The following DLG2 variants were observed in gnomAD, a reference collection of about 807,000 sequenced individuals.
DLG2 encodes discs large MAGUK scaffold protein 2.
DLG2 carries 45 observed loss-of-function variants against 132.5 expected under a neutral mutation model. The ratio of observed to expected loss-of-function variants is 0.34; its 90% confidence interval spans 0.27 to 0.44. The LOEUF is 0.44. DLG2 is among the 20% of genes least tolerant of loss of function. The pLI, the probability that DLG2 is intolerant of heterozygous loss-of-function variation, is 1.00. For missense variants in DLG2, 1,045 were observed against 1,196.9 expected, an observed-to-expected ratio of 0.87 and a Z score of 1.87; for synonymous variants, 424 against 419.6, an observed-to-expected ratio of 1.01 and a Z score of -0.13.
chr11:85,352,167 T>C (rs1290053083), intron 3 of DLG2, among the ~76,000 whole-genome samples: 2 of 152,244 alleles, frequency 1.3e-5, no homozygotes, highest in Non-Finnish European at 2.9e-5. Context: ...AATTTATCCA[T>C]TTCTTCTAGA....
At chr11:84,001,847 G>T (rs2094361996) in intron 11 of DLG2, among the ~76,000 whole-genome samples, 2 of 152,000 alleles carry the variant, frequency 1.3e-5, no homozygotes, top group Admixed American at 1.3e-4. Flanking sequence ...AATAATCATT[G>T]GGTCAACATA....
intron 6 of DLG2, among the ~76,000 whole-genome samples, chr11:84,754,429 T>C (rs1268144623): frequency 6.6e-6 from 1 of 152,288 alleles, no homozygotes; most frequent in East Asian, 1.9e-4. Flanking sequence ...CTGGAAATGT[T>C]TGAGTAAATG....
chr11:84,296,447 C>T (rs528302773), intron 7 of DLG2, among the ~76,000 whole-genome samples: 89 of 152,100 alleles, frequency 5.9e-4, no homozygotes, highest in African/African-American at 2.0e-3. Context: ...TGATTTTTTT[C>T]TCTCTTTGAG....
intron 7 of DLG2, among the ~76,000 whole-genome samples, chr11:84,406,461 G>A (rs1222881316): frequency 6.6e-6 from 1 of 152,270 alleles, no homozygotes; most frequent in Non-Finnish European, 1.5e-5. Flanking sequence ...TGCAAGTACA[G>A]GTGTACACCA....
intron 6 of DLG2, among the ~76,000 whole-genome samples, chr11:84,642,130 G>A (rs1199127557): frequency 3.5e-5 from 5 of 143,002 alleles, no homozygotes; most frequent in Non-Finnish European, 6.0e-5. Flanking sequence ...GTGTGTGTGT[G>A]TGTGTGTGTG....
chr11:83,474,063 G>A (rs2092373579), intron 22 of DLG2, among the ~76,000 whole-genome samples: 1 of 151,956 alleles, frequency 6.6e-6, no homozygotes, highest in Non-Finnish European at 1.5e-5. Context: ...GGCTCAGAAT[G>A]GCGCCACCAT....
chr11:83,972,830 G>A (rs1201098320), intron 12 of DLG2, among the ~76,000 whole-genome samples: 1 of 152,106 alleles, frequency 6.6e-6, no homozygotes, highest in Non-Finnish European at 1.5e-5. Flanking sequence ...GCCAGGCACA[G>A]GATATAAGGA....
chr11:84,066,303 A>G (rs1262789511), intron 10 of DLG2, among the ~76,000 whole-genome samples: 1 of 152,120 alleles, frequency 6.6e-6, no homozygotes, highest in South Asian at 2.1e-4. Flanking sequence ...GTACAATGTA[A>G]TTTCCTTTTC....
At chr11:84,914,728 T>C (rs1282457330) in intron 6 of DLG2, among the ~76,000 whole-genome samples, 1 of 152,196 alleles carries the variant, frequency 6.6e-6, no homozygotes, top group Non-Finnish European at 1.5e-5. Context: ...TGCCTGAGCC[T>C]AGCATTTATT....
At chr11:85,480,734 A>T (rs773306804) in intron 3 of DLG2, among the ~76,000 whole-genome samples, 2 of 152,232 alleles carry the variant, frequency 1.3e-5, no homozygotes, top group Non-Finnish European at 2.9e-5. Flanking sequence ...ATTAAAAAAC[A>T]AGTGAACTGT....
intron 19 of DLG2, among the ~76,000 whole-genome samples, chr11:83,603,465 T>C (rs2058873601): frequency 6.6e-6 from 1 of 152,224 alleles, no homozygotes; most frequent in African/African-American, 2.4e-5. Flanking sequence ...TCAGTATATA[T>C]ATTGTTATAC....
intron 4 of DLG2, among the ~76,000 whole-genome samples, chr11:85,271,215 A>G (rs2077507774): frequency 6.6e-6 from 1 of 152,166 alleles, no homozygotes. Context: ...ATGGCTTCAG[A>G]GAGTGGAAGC....
rs565062954 is a variant in DLG2, at chr11:84,251,822, G to GTA, written c.520-533_520-532dup. On this transcript the variant is annotated intron_variant, in intron 7 of 27. Coordinates refer to ENST00000376104, the MANE Select transcript of DLG2 (RefSeq NM_001142699.3). ...CACCCAGCTAACTGCTGTATTTTTA[G>GTA]TAGAGACGGGGTTTCCCACATTGGC... Among the ~76,000 whole-genome samples the GTA allele has an allele frequency of 1.0e-3, 157 of 151,862 alleles. 2 individuals are homozygous for GTA. Among genetic ancestry groups the GTA allele is most frequent in the Admixed American group, 8.2e-3 (125 of 15,234 alleles).
chr11:84,231,211 G>A (rs539389307), intron 8 of DLG2, among the ~76,000 whole-genome samples: 4 of 152,140 alleles, frequency 2.6e-5, no homozygotes, highest in Non-Finnish European at 5.9e-5. Context: ...GCAGCTATTT[G>A]AACCATTAGG....
intron 7 of DLG2, among the ~76,000 whole-genome samples, chr11:84,322,709 C>T (rs1424918232): frequency 6.6e-6 from 1 of 152,052 alleles, no homozygotes; most frequent in African/African-American, 2.4e-5. Context: ...CTTGCCTCAG[C>T]ATCCCGAGTA....
At chr11:83,632,093 G>C (rs183891727) in intron 19 of DLG2, 53 of 152,248 alleles carry the variant, frequency 3.5e-4, no homozygotes, top group African/African-American at 1.2e-3. Context: ...GGCTTCCCTG[G>C]AATAAGAAGG....
intron 16 of DLG2, among the ~76,000 whole-genome samples, chr11:83,866,662 TA>T (rs1315223586): frequency 2.0e-5 from 3 of 152,190 alleles, no homozygotes; most frequent in Non-Finnish European, 4.4e-5. Context: ...ACCCATTTAT[TA>T]AAACTTTAAA....
chr11:85,179,607 A>G (rs2079554917), intron 4 of DLG2, among the ~76,000 whole-genome samples: 1 of 151,866 alleles, frequency 6.6e-6, no homozygotes, highest in African/African-American at 2.4e-5. Context: ...CAGCAGAGGA[A>G]AAAATAAGAA....
At chr11:84,378,548 A>T (rs973668396) in intron 7 of DLG2, among the ~76,000 whole-genome samples, 2 of 152,110 alleles carry the variant, frequency 1.3e-5, no homozygotes, top group African/African-American at 2.4e-5. Context: ...ATGGGGGGAA[A>T]AATCTCGCCT....
Sources: allele counts gnomAD v4.1 joint callset (sites outside exome capture counted in the v4.1 genomes callset), GRCh38; gene constraint gnomAD v4.1.1; transcripts MANE v1.5; gene names NCBI Gene and HGNC (gene_info 2026-07-23, HGNC 2026-07-21).